Variants in RAD51B observed in about 807,000 individuals in gnomAD.
RAD51B encodes the protein DNA repair protein RAD51 homolog 2.
RAD51B carries 38 observed loss-of-function variants against 42.2 expected under a neutral mutation model. The ratio of observed to expected loss-of-function variants is 0.90; its 90% CI spans 0.70 to 1.18. RAD51B has a LOEUF of 1.18. Ranked by LOEUF, RAD51B falls within the 50% of genes most tolerant of loss-of-function variation. The pLI is 0.00. For missense variants in RAD51B, 373 were observed against 400.7 expected, an observed-to-expected ratio of 0.93 and a Z score of 0.59; for synonymous variants, 154 against 145.2, an observed-to-expected ratio of 1.06 and a Z score of -0.43.
intron 10 of RAD51B, among the ~76,000 whole-genome samples, chr14:68,559,662 G>A (rs11844632): frequency 0.23 from 35,278 of 151,982 alleles, 4,293 homozygotes; most frequent in Non-Finnish European, 0.28. Flanking sequence ...TACATGCGTG[G>A]GTCACTGCGC....
At chr14:68,322,250 C>T (rs2082170457) in intron 8 of RAD51B, among the ~76,000 whole-genome samples, 1 of 152,154 alleles carries the variant, frequency 6.6e-6, no homozygotes, top group South Asian at 2.1e-4. Context: ...ATAAATCTGA[C>T]TGGCAGTTTG....
At chr14:68,183,978 G>T (rs2140889271) in intron 7 of RAD51B, among the ~76,000 whole-genome samples, 1 of 42,826 alleles carries the variant, frequency 2.3e-5, no homozygotes, top group South Asian at 6.6e-4. Context: ...TGTAGTCCCA[G>T]CTACTCGGGG....
chr14:68,044,756 C>T (rs1211310766), intron 7 of RAD51B, among the ~76,000 whole-genome samples: 1 of 151,914 alleles, frequency 6.6e-6, no homozygotes, highest in African/African-American at 2.4e-5. Flanking sequence ...GCCCCCGCCC[C>T]CAACCTTGTC....
intron 8 of RAD51B, among the ~76,000 whole-genome samples, chr14:68,352,382 G>A (rs919408326): frequency 3.3e-5 from 5 of 152,220 alleles, no homozygotes; most frequent in African/African-American, 1.2e-4. Flanking sequence ...AACCTAGAAA[G>A]TGACCAGGCC....
intron 9 of RAD51B, among the ~76,000 whole-genome samples, chr14:68,438,964 T>C (rs117341401): frequency 2.2e-3 from 332 of 152,202 alleles, no homozygotes; most frequent in Non-Finnish European, 3.8e-3. Context: ...AATCCTTGCT[T>C]TCGTGGATCA....
Position 68,233,531 on chromosome 14 carries a change from G to T in RAD51B, c.757-58353G>T, listed in dbSNP as rs117634129. Among the ~76,000 whole-genome samples, 190 of 152,254 alleles carry T rather than the reference G, an allele frequency of 1.2e-3. 1 individual carries two copies. The highest frequency in any genetic ancestry group is 2.3e-3 in the Non-Finnish European group (155 of 68,016). Reference sequence around the variant, plus strand: ...CATTCAATTCATGAACATTCATTAAGTACCTGAGTATGCTAGTCATTGGAG... The same window carrying T: ...CATTCAATTCATGAACATTCATTAATTACCTGAGTATGCTAGTCATTGGAG... On this transcript the variant is annotated intron_variant, in intron 7 of 10. Transcript: ENST00000471583.
At chr14:68,480,367 C>T (rs1227166250), downstream of RAD51B, among the ~76,000 whole-genome samples, 1 of 152,160 alleles carries the variant, frequency 6.6e-6, no homozygotes, top group Admixed American at 6.5e-5. Flanking sequence ...GTGAGCCCGG[C>T]CTTCTCTTGT....
chr14:67,919,467 G>A (rs554050316), intron 7 of RAD51B, among the ~76,000 whole-genome samples: 5 of 152,190 alleles, frequency 3.3e-5, no homozygotes, highest in East Asian at 1.9e-4. Context: ...TCTCAGAGAC[G>A]GCGCCAGAGG....
chr14:67,860,112 G>A (rs577351839), intron 4 of RAD51B, among the ~76,000 whole-genome samples: 1 of 152,226 alleles, frequency 6.6e-6, no homozygotes, highest in South Asian at 2.1e-4. Flanking sequence ...ATGAGTCACC[G>A]CACCCGGCCT....
At chr14:68,447,974 C>T (rs1459839119) in intron 9 of RAD51B, among the ~76,000 whole-genome samples, 1 of 152,164 alleles carries the variant, frequency 6.6e-6, no homozygotes, top group Admixed American at 6.5e-5. Flanking sequence ...CTAGGTTAGG[C>T]TCTGGAAAAA....
At chr14:67,826,639 A>G (rs1329302265) in intron 3 of RAD51B, among the ~76,000 whole-genome samples, 4 of 152,120 alleles carry the variant, frequency 2.6e-5, no homozygotes, top group Non-Finnish European at 5.9e-5. Context: ...GTCACTGGAA[A>G]CTTCTAAAAA....
chr14:67,910,815 AT>A (rs575568902), intron 7 of RAD51B, among the ~76,000 whole-genome samples: 222 of 144,294 alleles, frequency 1.5e-3, no homozygotes, highest in Middle Eastern at 3.5e-3. Context: ...GCCCAATGTC[AT>A]TTTTTTTTTT....
In RAD51B at chr14:68,072,068, TAA is replaced by T. The variant is rs1269758514; in HGVS notation, c.756+184866_756+184867del. Reference sequence around the variant, plus strand: ...ATATATATAATTATATATATTTATATAAATATATAAATATATATAAATATATA... The same window carrying T: ...ATATATATAATTATATATATTTATATATATATAAATATATATAAATATATA... On this transcript the variant is annotated intron_variant, in intron 7 of 10. Transcript: ENST00000471583. Among the ~76,000 whole-genome samples the T allele has an allele frequency of 4.4e-3, 409 of 91,946 alleles. 12 individuals carry two copies. The highest frequency in any genetic ancestry group is 0.023 in the African/African-American group (313 of 13,826). The allele number at this position is 91,946 out of a possible 152,430, so 60.3% of individuals were successfully genotyped here. A position where few individuals can be genotyped will look rare whatever the true frequency, so the allele number is the denominator to read the frequency against.
intron 8 of RAD51B, among the ~76,000 whole-genome samples, chr14:68,404,094 TGTAGC>T (rs1260516712): frequency 6.6e-6 from 1 of 152,224 alleles, no homozygotes; most frequent in African/African-American, 2.4e-5. Context: ...ATTTGCTCTA[TGTAGC>T]TTACACAGAG....
intron 10 of RAD51B, among the ~76,000 whole-genome samples, chr14:68,557,961 G>A (rs1181392752): frequency 6.7e-6 from 1 of 149,070 alleles, no homozygotes; most frequent in African/African-American, 2.4e-5. Context: ...GGGGCTGGGG[G>A]AGAATTCCTG....
At chr14:68,006,904 C>G (rs1400086711) in intron 7 of RAD51B, among the ~76,000 whole-genome samples, 1 of 152,214 alleles carries the variant, frequency 6.6e-6, no homozygotes, top group South Asian at 2.1e-4. Context: ...ATAAAATTCA[C>G]CATTTTAAAG....
intron 9 of RAD51B, among the ~76,000 whole-genome samples, chr14:68,429,194 G>A (rs1371827654): frequency 1.3e-5 from 2 of 152,224 alleles, no homozygotes; most frequent in East Asian, 1.9e-4. Context: ...TTGCTATTGT[G>A]TATAGTGCTG....
intron 10 of RAD51B, among the ~76,000 whole-genome samples, chr14:68,571,900 G>A (rs1889724265): frequency 6.6e-6 from 1 of 152,200 alleles, no homozygotes; most frequent in South Asian, 2.1e-4. Context: ...GAAAAAATGA[G>A]AGTGAGCAGC....
At chr14:68,648,008 T>TAA (rs1892596877) in intron 10 of RAD51B, among the ~76,000 whole-genome samples, 1 of 98,536 alleles carries the variant, frequency 1.0e-5, no homozygotes, top group African/African-American at 4.1e-5. Context: ...ATTGAGCATA[T>TAA]ATATATATAT....
Sources: allele counts gnomAD v4.1 joint callset (sites outside exome capture counted in the v4.1 genomes callset), GRCh38; gene constraint gnomAD v4.1.1; transcripts MANE v1.5; gene names NCBI Gene and HGNC (gene_info 2026-07-23, HGNC 2026-07-21).